SMURF1: variants seen among roughly 807,000 people sequenced by gnomAD.
The protein encoded by SMURF1 is SMAD specific E3 ubiquitin protein ligase 1.
SMURF1 carries 44 observed loss-of-function variants against 98.0 expected under a neutral mutation model. The ratio of observed to expected loss-of-function variants is 0.45; its 90% CI spans 0.35 to 0.58. The LOEUF is 0.58. Among genes scored for constraint, SMURF1 ranks in the 20% least tolerant of loss-of-function variants. SMURF1 has a pLI of 0.00. For synonymous variants in SMURF1, 396 were observed against 374.9 expected, an observed-to-expected ratio of 1.06 and a Z score of -0.65; for missense variants, 687 against 938.4, an observed-to-expected ratio of 0.73 and a Z score of 3.50.
chr7:99,088,799 T>A (rs868735804), intron 1 of SMURF1, among the ~76,000 whole-genome samples: 12 of 152,294 alleles, frequency 7.9e-5, no homozygotes, highest in African/African-American at 2.9e-4. Flanking sequence ...TAAATCAGGC[T>A]CATGCCTGTA....
chr7:99,043,927 C>T (rs1297582261), intron 11 of SMURF1, among the ~76,000 whole-genome samples: 2 of 152,174 alleles, frequency 1.3e-5, no homozygotes, highest in Non-Finnish European at 2.9e-5. Context: ...AGGACAACCA[C>T]GGCACAGAGG....
rs184780138 is a variant in SMURF1 at position 99,067,065 on chromosome 7, G to A, written c.56-5228C>T. 2.7e-3 allele frequency among the ~76,000 whole-genome samples: 409 copies of A among 148,932 alleles called. 2 individuals carry two copies. Among genetic ancestry groups the A allele is most frequent in the African/African-American group, 9.2e-3 (374 of 40,548 alleles). On this transcript the variant is annotated intron_variant, in intron 1 of 17. Coordinates refer to ENST00000361368, the MANE Select transcript of SMURF1 (RefSeq NM_181349.3). ...GACTGGAGTGCAGTGGCATGATCTCGGCTCACTGCAACCTCCACCTCCTGG... is the reference window on the plus strand; with the variant it reads ...GACTGGAGTGCAGTGGCATGATCTCAGCTCACTGCAACCTCCACCTCCTGG...
intron 8 of SMURF1, chr7:99,051,074 T>G (rs929259393): frequency 1.5e-6 from 2 of 1,318,880 alleles, no homozygotes; most frequent in African/African-American, 2.9e-5. Flanking sequence ...TGGAAAATTT[T>G]AAGCATATAA....
At chr7:99,044,323 G>A (rs968628552) in intron 11 of SMURF1, among the ~76,000 whole-genome samples, 1 of 151,796 alleles carries the variant, frequency 6.6e-6, no homozygotes, top group Admixed American at 6.6e-5. Context: ...AGAAAAAAAA[G>A]GGAAGAAGAA....
intron 1 of SMURF1, among the ~76,000 whole-genome samples, chr7:99,063,327 C>T (rs13311535): frequency 2.5e-5 from 3 of 121,626 alleles, no homozygotes; most frequent in East Asian, 2.7e-4. Context: ...GGTCTCACTC[C>T]GTCACCCCAG....
Position 99,028,732 on chromosome 7 carries a change from CT to C in SMURF1, c.*1851del, listed in dbSNP as rs1335006509. 6.6e-6 allele frequency: 1 copy of C among 152,266 alleles called. No individual in the cohort carries two copies. Among genetic ancestry groups the C allele is most frequent in the Non-Finnish European group, 1.5e-5 (1 of 68,066 alleles). 9.4% of individuals were successfully genotyped at this position (152,266 alleles called of 1,614,324 possible). On this transcript the variant is annotated 3_prime_UTR_variant, in exon 18 of 18. Coordinates refer to ENST00000361368, the MANE Select transcript of SMURF1 (RefSeq NM_181349.3). Reference sequence around the variant, plus strand: ...AGGAAAATCAGGTGGGGCCTCTGACCTCATCCCGGAGGCCGCTTCAGTTCTC... The same window carrying C: ...AGGAAAATCAGGTGGGGCCTCTGACCCATCCCGGAGGCCGCTTCAGTTCTC...
chr7:99,137,362 C>G (rs917704515), intron 1 of SMURF1, among the ~76,000 whole-genome samples: 1 of 152,150 alleles, frequency 6.6e-6, no homozygotes, highest in Non-Finnish European at 1.5e-5. Context: ...GATCATAATC[C>G]TATGCACCCC....
intron 1 of SMURF1, among the ~76,000 whole-genome samples, chr7:99,131,062 T>G (rs1301696716): frequency 6.6e-6 from 1 of 151,980 alleles, no homozygotes; most frequent in East Asian, 1.9e-4. Context: ...GGGGAAGAGA[T>G]GGTCATGAAT....
rs1794752932 is a variant in SMURF1 at position 99,028,024 on chromosome 7, T to TGTTAGCTACATCCCTGA, written c.*2543_*2559dup. 6.6e-6 allele frequency: 1 copy of TGTTAGCTACATCCCTGA among 152,130 alleles called. No individual in the cohort carries two copies. The highest frequency in any genetic ancestry group is 1.5e-5 in the Non-Finnish European group (1 of 67,980). 9.4% of individuals were successfully genotyped at this position (152,130 alleles called of 1,614,324 possible). On this transcript the variant is annotated 3_prime_UTR_variant, in exon 18 of 18. Coordinates refer to ENST00000361368, the MANE Select transcript of SMURF1 (RefSeq NM_181349.3). ...CCTACTGAAAGCACTGGCGGAGTGGTGTTAGCTACATCCCTGAGTGTCGGC... is the reference window on the plus strand; with the variant it reads ...CCTACTGAAAGCACTGGCGGAGTGGTGTTAGCTACATCCCTGAGTTAGCTACATCCCTGAGTGTCGGC...
intron 1 of SMURF1, among the ~76,000 whole-genome samples, chr7:99,073,421 C>G (rs966157238): frequency 1.9e-4 from 28 of 149,726 alleles, no homozygotes; most frequent in African/African-American, 5.6e-4. Flanking sequence ...TTAAACGTTT[C>G]CAGTCGATGT....
chr7:99,080,919 A>G (rs1239985450), intron 1 of SMURF1, among the ~76,000 whole-genome samples: 1 of 152,212 alleles, frequency 6.6e-6, no homozygotes, highest in African/African-American at 2.4e-5. Context: ...CTTCCGGACC[A>G]CAATACAGAG....
intron 1 of SMURF1, among the ~76,000 whole-genome samples, chr7:99,066,817 T>C (rs963020367): frequency 2.6e-5 from 4 of 151,396 alleles, no homozygotes; most frequent in African/African-American, 9.7e-5. Context: ...AGAAATTTGC[T>C]TCAATTCCCT....
chr7:99,107,306 C>T (rs536888638), intron 1 of SMURF1, among the ~76,000 whole-genome samples: 13 of 152,266 alleles, frequency 8.5e-5, no homozygotes, highest in Non-Finnish European at 1.3e-4. Flanking sequence ...AGGATAAATG[C>T]TTCAGGGGAT....
chr7:99,058,826 C>G (rs981087879), intron 3 of SMURF1, among the ~76,000 whole-genome samples: 1 of 152,208 alleles, frequency 6.6e-6, no homozygotes, highest in Non-Finnish European at 1.5e-5. Flanking sequence ...CAGTGGCTCA[C>G]GCCTATAATC....
intron 7 of SMURF1, 139 bp downstream of exon 7, chr7:99,052,066 T>C: frequency 1.6e-6 from 2 of 1,225,222 alleles, no homozygotes; most frequent in Non-Finnish European, 2.2e-6. Context: ...GCTAGGGAGG[T>C]CAAGGCTGCC....
chr7:99,062,550 G>A (rs1031657148), intron 1 of SMURF1, among the ~76,000 whole-genome samples: 17 of 152,106 alleles, frequency 1.1e-4, no homozygotes, highest in Admixed American at 4.6e-4. Flanking sequence ...TAAAATGCAC[G>A]TTAAGAACTT....
chr7:99,061,926 C>A (rs929791165), intron 1 of SMURF1, 89 bp from the exon 2 acceptor site: 7 of 954,296 alleles, frequency 7.3e-6, no homozygotes, highest in East Asian at 2.7e-5. Flanking sequence ...CAAAAAGACT[C>A]TAAAAATTAG....
chr7:99,112,112 C>A (rs1797337449), intron 1 of SMURF1, among the ~76,000 whole-genome samples: 1 of 152,062 alleles, frequency 6.6e-6, no homozygotes, highest in African/African-American at 2.4e-5. Flanking sequence ...TTGAAGAGCT[C>A]CTACATATTT....
At chr7:99,100,367 C>CT (rs1477526197) in intron 1 of SMURF1, among the ~76,000 whole-genome samples, 3 of 152,136 alleles carry the variant, frequency 2.0e-5, no homozygotes, top group African/African-American at 7.2e-5. Context: ...CCAGCCTGGC[C>CT]AACATGGTGA....
Sources: allele counts gnomAD v4.1 joint callset (sites outside exome capture counted in the v4.1 genomes callset), GRCh38; gene constraint gnomAD v4.1.1; transcripts MANE v1.5; gene names NCBI Gene and HGNC (gene_info 2026-07-23, HGNC 2026-07-21).